KIAA0930: variants seen among roughly 807,000 people sequenced by gnomAD.
KIAA0930 encodes uncharacterized protein KIAA0930.
In KIAA0930, 24 loss-of-function variants were observed where a neutral mutation model predicts 43.9. That is an observed-to-expected ratio of 0.55 (90% CI 0.40 to 0.77). The LOEUF (loss-of-function observed/expected upper bound fraction) is 0.77, where lower values mean the gene tolerates loss of function less well. Ranked by LOEUF, KIAA0930 falls within the 30% of genes least tolerant of loss-of-function variation. KIAA0930 has a pLI of 0.00. For missense variants in KIAA0930, 461 were observed against 574.2 expected, an observed-to-expected ratio of 0.80 and a Z score of 2.02; for synonymous variants, 259 against 216.4, an observed-to-expected ratio of 1.20 and a Z score of -1.73.
intron 1 of KIAA0930, among the ~76,000 whole-genome samples, chr22:45,236,659 C>A (rs2083890390): frequency 6.6e-6 from 1 of 152,164 alleles, no homozygotes; most frequent in Non-Finnish European, 1.5e-5. Flanking sequence ...CAGGGTTAAG[C>A]AATTAAGAGC....
At chr22:45,215,135 T>C (rs963864901) in intron 1 of KIAA0930, among the ~76,000 whole-genome samples, 3 of 151,928 alleles carry the variant, frequency 2.0e-5, no homozygotes, top group Non-Finnish European at 2.9e-5. Flanking sequence ...CTAGAATCAC[T>C]TGAACCCGGG....
At chr22:45,234,163 G>A (rs763439817) in intron 1 of KIAA0930, among the ~76,000 whole-genome samples, 11 of 152,174 alleles carry the variant, frequency 7.2e-5, no homozygotes, top group East Asian at 1.9e-4. Context: ...TCTGAGGCCC[G>A]GCAAGCTGGG....
At chr22:45,200,832 AAG>A (rs1402729556) in intron 7 of KIAA0930, 3 of 465,756 alleles carry the variant, frequency 6.4e-6, no homozygotes, top group Non-Finnish European at 1.3e-5. Context: ...GAGACAGAGA[AAG>A]AGAAGCACAG....
intron 1 of KIAA0930, among the ~76,000 whole-genome samples, chr22:45,219,582 G>GTTTTTTT (rs535482000): frequency 3.3e-5 from 2 of 61,218 alleles, no homozygotes; most frequent in Admixed American, 4.5e-4. Flanking sequence ...AGAGGTGATT[G>GTTTTTTT]TTTTTTTTTT....
intron 5 of KIAA0930, 28 bp from the exon 6 acceptor site, chr22:45,204,013 C>T (rs757112387): frequency 1.9e-5 from 30 of 1,613,050 alleles, no homozygotes; most frequent in East Asian, 4.5e-5. Flanking sequence ...GAGACAGGGA[C>T]GTGACCATCA....
At chr22:45,232,714 C>CTCCT (rs1219082990) in intron 1 of KIAA0930, among the ~76,000 whole-genome samples, 31 of 152,332 alleles carry the variant, frequency 2.0e-4, no homozygotes, top group Admixed American at 1.7e-3. Flanking sequence ...TCATCAGGCA[C>CTCCT]AGGAAGCCTG....
At position 45,228,223 on chromosome 22, in the gene KIAA0930, G is replaced by A. The variant is rs547652943; in HGVS notation, c.64+12417C>T. ...TCACTTCTGATGTCCCCGATCCCCA[G>A]CACACACAGCATCAACCTCCCTGAG... On this transcript the variant is annotated intron_variant, in intron 1 of 9. Transcript: ENST00000336156. Among the ~76,000 whole-genome samples the A allele has an allele frequency of 2.6e-5, 4 of 152,258 alleles. No individual in the cohort carries two copies. The South Asian group carries it at 8.3e-4, about 32-fold the overall frequency.
chr22:45,233,236 G>A (rs983297387), intron 1 of KIAA0930, among the ~76,000 whole-genome samples: 3 of 152,174 alleles, frequency 2.0e-5, no homozygotes, highest in Non-Finnish European at 4.4e-5. Flanking sequence ...CTTTCACTCA[G>A]ATGCCCAGGT....
chr22:45,233,213 C>A (rs1482668987), intron 1 of KIAA0930, among the ~76,000 whole-genome samples: 1 of 152,048 alleles, frequency 6.6e-6, no homozygotes, highest in Admixed American at 6.5e-5. Context: ...GACTCCAGGG[C>A]CCCCCAGGAG....
At chr22:45,210,370 G>A (rs2083681850) in intron 2 of KIAA0930, among the ~76,000 whole-genome samples, 1 of 152,166 alleles carries the variant, frequency 6.6e-6, no homozygotes, top group Non-Finnish European at 1.5e-5. Context: ...ACTGTGCAGA[G>A]GTGAGAGGAG....
chr22:45,205,430 G>A, intron 4 of KIAA0930, 112 bp from the exon 5 acceptor site: 1 of 992,902 alleles, frequency 1.0e-6, no homozygotes, highest in Non-Finnish European at 1.6e-6. Flanking sequence ...TCCAAAGCCA[G>A]AGACCTACCA....
intron 1 of KIAA0930, among the ~76,000 whole-genome samples, chr22:45,234,940 G>A (rs1449055856): frequency 6.6e-6 from 1 of 152,140 alleles, no homozygotes; most frequent in African/African-American, 2.4e-5. Flanking sequence ...TGTGTCTCTG[G>A]GTAATTGGAA....
chr22:45,209,181 C>A (rs888079345), intron 2 of KIAA0930, among the ~76,000 whole-genome samples: 5 of 152,234 alleles, frequency 3.3e-5, no homozygotes, highest in Non-Finnish European at 5.9e-5. Flanking sequence ...GGAGGCCCGG[C>A]TGGTTGCTAT....
At chr22:45,210,945 C>G (rs911933308) in intron 2 of KIAA0930, among the ~76,000 whole-genome samples, 1 of 152,096 alleles carries the variant, frequency 6.6e-6, no homozygotes, top group Admixed American at 6.5e-5. Context: ...TCTTGGGGTG[C>G]CCTCCCCTCT....
At chr22:45,222,054 C>T (rs938964019) in intron 1 of KIAA0930, among the ~76,000 whole-genome samples, 8 of 151,954 alleles carry the variant, frequency 5.3e-5, no homozygotes, top group Non-Finnish European at 1.0e-4. Flanking sequence ...ATGAAGACAG[C>T]ACTTGAAATC....
In KIAA0930 at chr22:45,214,726, C is replaced by T. The variant is rs140307432; in HGVS notation, c.65-2619G>A. ...GAGTTCAAGGTCAGCCTGGGCAACA[C>T]AGTGAGACCTGGTCTCTAAAAAAAA... On this transcript the variant is annotated intron_variant, in intron 1 of 9. Transcript: ENST00000336156. 8.5e-3 allele frequency among the ~76,000 whole-genome samples: 1,296 copies of T among 151,788 alleles called. 59 individuals carry two copies. Among genetic ancestry groups the T allele is most frequent in the Admixed American group, 0.068 (1,040 of 15,244 alleles).
Position 45,194,993 on chromosome 22 carries a change from C to G in KIAA0930, c.*2183G>C, listed in dbSNP as rs1309916971. The G allele has an allele frequency of 6.6e-6, 1 of 152,238 alleles. No individual in the cohort carries two copies. The highest frequency in any genetic ancestry group is 1.5e-5 in the Non-Finnish European group (1 of 68,058). 9.4% of individuals were successfully genotyped at this position (152,238 alleles called of 1,614,324 possible). On this transcript the variant is annotated 3_prime_UTR_variant, in exon 10 of 10. Coordinates refer to ENST00000336156, the MANE Select transcript of KIAA0930 (RefSeq NM_001009880.2). ...GCGCTGTGTGTCGGCTATGAAACCACCAGCCCACCGCGTGCCCTGTTCACA... is the reference window on the plus strand; with the variant it reads ...GCGCTGTGTGTCGGCTATGAAACCAGCAGCCCACCGCGTGCCCTGTTCACA...
Position 45,205,310 on chromosome 22 carries a change from G to C in KIAA0930, c.423C>G (p.Phe141Leu). 1 of 1,613,668 alleles carries C rather than the reference G, an allele frequency of 6.2e-7. No individual in the cohort carries two copies. Among genetic ancestry groups the C allele is most frequent in the Non-Finnish European group, 8.5e-7 (1 of 1,179,662 alleles). Residue 141 changes from phenylalanine (F) to leucine (L), a missense_variant, in exon 5 of 10, where the codon TTC (phenylalanine) becomes TTG (leucine). By Grantham distance (22) the Phe-to-Leu change is conservative (BLOSUM62 0). Coordinates refer to ENST00000336156, the MANE Select transcript of KIAA0930 (RefSeq NM_001009880.2). ...CCATGGGGTGTTTACTGGGGGACGCGAACACTTGCTGGAAGAAAGCAGATT... is the reference window on the plus strand; with the variant it reads ...CCATGGGGTGTTTACTGGGGGACGCCAACACTTGCTGGAAGAAAGCAGATT... ...HIHKKKSQQV[F>L]ASPSKHPMDS...
At chr22:45,206,346 T>C (rs560564724) in intron 2 of KIAA0930, among the ~76,000 whole-genome samples, 28 of 152,252 alleles carry the variant, frequency 1.8e-4, no homozygotes, top group African/African-American at 6.0e-4. Context: ...CCCAGTTCTC[T>C]AGCGACGGGA....
Sources: gnomAD v4.1 joint callset for allele counts (sites outside exome capture counted in the v4.1 genomes callset) on GRCh38, gnomAD v4.1.1 for gene constraint, MANE v1.5 for transcripts, NCBI Gene and HGNC (gene_info 2026-07-23, HGNC 2026-07-21) for gene names.